Variants in MGRN1 observed in about 807,000 individuals in gnomAD.
MGRN1 encodes E3 ubiquitin-protein ligase MGRN1.
MGRN1 carries 29 observed loss-of-function variants against 69.2 expected under a neutral mutation model. The observed-to-expected ratio is 0.42, with a 90% CI of 0.31 to 0.57. The LOEUF (loss-of-function observed/expected upper bound fraction) is 0.57. Ranked by LOEUF, MGRN1 falls within the 20% of genes least tolerant of loss-of-function variation. The pLI is 0.15. For missense variants in MGRN1, 998 were observed against 796.2 expected (o/e 1.25, Z -3.05); for synonymous variants, 470 against 344.2 (o/e 1.37, Z -4.04).
At chr16:4,642,907 C>T (rs2078193832) in intron 1 of MGRN1, among the ~76,000 whole-genome samples, 1 of 152,058 alleles carries the variant, frequency 6.6e-6, no homozygotes, top group African/African-American at 2.4e-5. Flanking sequence ...CCACCTCAGC[C>T]TCCCGAGTAC....
chr16:4,680,574 G>A (rs1290991959), intron 12 of MGRN1: 1 of 161,530 alleles, frequency 6.2e-6, no homozygotes, highest in Non-Finnish European at 1.4e-5. Flanking sequence ...ACCACCTGGA[G>A]CCTCCGTGGC....
chr16:4,678,949 A>G (rs1402518499), intron 11 of MGRN1, among the ~76,000 whole-genome samples: 2 of 152,226 alleles, frequency 1.3e-5, no homozygotes, highest in Non-Finnish European at 2.9e-5. Flanking sequence ...CAATGTTTAA[A>G]AGTCTGGAAT....
At chr16:4,645,888 C>T (rs978916601) in intron 1 of MGRN1, among the ~76,000 whole-genome samples, 3 of 152,158 alleles carry the variant, frequency 2.0e-5, no homozygotes, top group South Asian at 2.1e-4. Flanking sequence ...GGTGAATGGG[C>T]ACAGTCACAG....
intron 6 of MGRN1, 49 bp from the exon 7 acceptor site, chr16:4,665,047 TGCCTGG>T: frequency 4.4e-6 from 7 of 1,603,068 alleles, no homozygotes; most frequent in Non-Finnish European, 6.0e-6. Context: ...GGAGGTGAGA[TGCCTGG>T]GTGGGGCAGG....
At position 4,689,687 on chromosome 16, in the gene MGRN1, T is replaced by C. The variant is rs1285447557; in HGVS notation, c.*779T>C. ...CCCTCCAGGTGCAGGGGCTTCTGTTTGGCAGGCCCCTGCCAGGGAGGACCT... is the reference window on the plus strand; with the variant it reads ...CCCTCCAGGTGCAGGGGCTTCTGTTCGGCAGGCCCCTGCCAGGGAGGACCT... On this transcript the variant is annotated 3_prime_UTR_variant, in exon 17 of 17. Transcript: ENST00000262370. The C allele has an allele frequency of 1.3e-5, 2 of 152,134 alleles. No individual in the cohort carries two copies. The highest frequency in any genetic ancestry group is 2.9e-5 in the Non-Finnish European group (2 of 68,038). 9.4% of individuals were successfully genotyped at this position (152,134 alleles called of 1,614,324 possible). A position where few individuals can be genotyped will look rare whatever the true frequency, so the allele number is the denominator to read the frequency against.
intron 10 of MGRN1, among the ~76,000 whole-genome samples, chr16:4,675,587 A>G (rs1010891422): frequency 6.6e-6 from 1 of 152,098 alleles, no homozygotes; most frequent in Non-Finnish European, 1.5e-5. Context: ...AAAAGTTAAA[A>G]GTTAGCCAGA....
intron 1 of MGRN1, 129 bp downstream of exon 1, chr16:4,625,177 C>G: frequency 1.1e-6 from 1 of 891,544 alleles, no homozygotes; most frequent in Non-Finnish European, 1.6e-6. Flanking sequence ...TACCCCGAGC[C>G]TTCGCGCGGC....
chr16:4,688,762 A>ATGCCAACCTCGG (rs1596324976), intron 16 of MGRN1, 34 bp from the exon 17 acceptor site: 11 of 1,519,366 alleles, frequency 7.2e-6, no homozygotes, highest in Middle Eastern at 1.7e-4. Flanking sequence ...CAGGCATCCG[A>ATGCCAACCTCGG]GTGTGACCCT....
At chr16:4,656,070 G>A (rs1024973778) in intron 4 of MGRN1, among the ~76,000 whole-genome samples, 4 of 152,226 alleles carry the variant, frequency 2.6e-5, no homozygotes, top group African/African-American at 9.6e-5. Flanking sequence ...GTGTGCCTTT[G>A]TCCAGGAGAG....
In MGRN1 at chr16:4,686,255, G is replaced by A. The variant is rs189814564; in HGVS notation, c.1618+2323G>A. 55 of 1,543,094 alleles carry A rather than the reference G, an allele frequency of 3.6e-5. No individual in the cohort carries two copies. The Middle Eastern group carries it at 6.7e-4, about 19-fold the overall frequency. On this transcript the variant is annotated intron_variant, in intron 16 of 16. Transcript: ENST00000262370. ...TCCGTCTGTCTCTCCCCCTCTCCGCGCAGCCCTGGGGCCCGACTCCTGCTC... is the reference window on the plus strand; with the variant it reads ...TCCGTCTGTCTCTCCCCCTCTCCGCACAGCCCTGGGGCCCGACTCCTGCTC...
At chr16:4,633,624 G>A (rs956099068) in intron 1 of MGRN1, 20 of 151,956 alleles carry the variant, frequency 1.3e-4, no homozygotes, top group African/African-American at 4.3e-4. Flanking sequence ...CCAGGAGGCA[G>A]AGGTTGCAGT....
intron 12 of MGRN1, 44 bp from the exon 13 acceptor site, chr16:4,681,506 G>A: frequency 1.9e-6 from 3 of 1,560,946 alleles, no homozygotes; most frequent in Non-Finnish European, 2.6e-6. Flanking sequence ...TGGGGAGCAG[G>A]TGGTCCCTGG....
At chr16:4,638,039 G>A (rs1007909239) in intron 1 of MGRN1, among the ~76,000 whole-genome samples, 3 of 152,212 alleles carry the variant, frequency 2.0e-5, no homozygotes, top group Admixed American at 1.3e-4. Context: ...ATGGTATCAC[G>A]TTTACATATG....
chr16:4,681,023 G>A (rs1049727588), intron 12 of MGRN1, among the ~76,000 whole-genome samples: 1 of 152,210 alleles, frequency 6.6e-6, no homozygotes, highest in African/African-American at 2.4e-5. Context: ...TGTTGATTCT[G>A]TCTGCTCCCA....
At chr16:4,641,810 C>A (rs147531762) in intron 1 of MGRN1, among the ~76,000 whole-genome samples, 1 of 152,074 alleles carries the variant, frequency 6.6e-6, no homozygotes, top group African/African-American at 2.4e-5. Flanking sequence ...TGAGCCACTG[C>A]GCCTGGCCAC....
intron 10 of MGRN1, 80 bp from the exon 11 acceptor site, chr16:4,677,383 G>A: frequency 8.8e-7 from 1 of 1,137,144 alleles, no homozygotes. Context: ...TGGGGGGGGT[G>A]TTGATCCCTG....
chr16:4,687,643 C>A (rs1379793946), intron 16 of MGRN1: 1 of 983,440 alleles, frequency 1.0e-6, no homozygotes, highest in Non-Finnish European at 1.2e-6. Context: ...AGGAGTGCCA[C>A]CAAAATGTAG....
chr16:4,630,630 G>C (rs1162394279), intron 1 of MGRN1, among the ~76,000 whole-genome samples: 1 of 151,758 alleles, frequency 6.6e-6, no homozygotes, highest in Non-Finnish European at 1.5e-5. Flanking sequence ...GGATTTTTTA[G>C]TAGAGACGGG....
intron 11 of MGRN1, among the ~76,000 whole-genome samples, chr16:4,679,099 C>G (rs1278570854): frequency 1.3e-5 from 2 of 152,356 alleles, no homozygotes; most frequent in African/African-American, 4.8e-5. Context: ...GCACCACGCT[C>G]TCCAGCACTT....
Sources: allele counts gnomAD v4.1 joint callset (sites outside exome capture counted in the v4.1 genomes callset), GRCh38; gene constraint gnomAD v4.1.1; transcripts MANE v1.5; gene names NCBI Gene and HGNC (gene_info 2026-07-23, HGNC 2026-07-21).